Variants in EIF5 observed in about 807,000 individuals in gnomAD.
EIF5 encodes the protein eukaryotic translation initiation factor 5.
EIF5 carries 10 observed loss-of-function variants against 48.3 expected under a neutral mutation model. That is an observed-to-expected ratio of 0.21 (90% CI 0.13 to 0.35). The LOEUF is 0.35. EIF5 is among the 10% of genes least tolerant of loss of function. The probability of loss-of-function intolerance (pLI) is 1.00; values close to 1 mark genes in which losing one functional copy is unlikely to be tolerated. For missense variants in EIF5, 397 were observed against 533.2 expected (o/e 0.74, Z 2.51); for synonymous variants, 237 against 173.1 (o/e 1.37, Z -2.90).
Position 103,338,475 on chromosome 14 carries a change from G to C in EIF5, c.585+3G>C, listed in dbSNP as rs1411845342. 2 of 1,563,774 alleles carry C rather than the reference G, an allele frequency of 1.3e-6. No individual in the cohort carries two copies. The highest frequency in any genetic ancestry group is 1.7e-6 in the Non-Finnish European group (2 of 1,153,358). On this transcript the variant is annotated splice_donor_region_variant and intron_variant, in intron 7 of 11. Coordinates refer to ENST00000216554, the MANE Select transcript of EIF5 (RefSeq NM_001969.5). ...TTAATCCTCCTCCACATACAATGGT[G>C]AGTGCAGGGTTGATGGCCTAGTGGG...
intron 10 of EIF5, 146 bp from the exon 11 acceptor site, chr14:103,340,281 C>A: frequency 3.7e-6 from 3 of 812,876 alleles, no homozygotes; most frequent in Non-Finnish European, 5.9e-6. Flanking sequence ...ACTGCTGAGA[C>A]TAACGTGTTC....
At position 103,340,566 on chromosome 14, in the gene EIF5, A is replaced by C. The variant is rs201177453; in HGVS notation, c.1206+5A>C. The C allele has an allele frequency of 9.8e-5, 157 of 1,607,504 alleles. No homozygotes were observed. The highest frequency in any genetic ancestry group is 4.3e-6 in the Non-Finnish European group (5 of 1,174,358). ...GATGAAGATGAGAACATTGAGGTAAACATTGGGGGAGGAGGGTATTGGATA... is the reference window on the plus strand; with the variant it reads ...GATGAAGATGAGAACATTGAGGTAACCATTGGGGGAGGAGGGTATTGGATA... On this transcript the variant is annotated splice_donor_5th_base_variant and intron_variant, in intron 11 of 11. Transcript: ENST00000216554.
chr14:103,339,860 T>C (rs2089332672), intron 10 of EIF5, 57 bp downstream of exon 10: 2 of 1,556,930 alleles, frequency 1.3e-6, no homozygotes, highest in South Asian at 2.4e-5. Context: ...GTTTTTTTGT[T>C]TGGTTGATTG....
chr14:103,334,808 G>T (rs963083702), intron 2 of EIF5: 8 of 150,986 alleles, frequency 5.3e-5, no homozygotes, highest in African/African-American at 1.9e-4. Flanking sequence ...CCGCCGCTCG[G>T]GCTGACTCAG....
At chr14:103,340,598 T>C (rs2089342049) in intron 11 of EIF5, 37 bp downstream of exon 11, 1 of 1,580,980 alleles carries the variant, frequency 6.3e-7, no homozygotes, top group African/African-American at 1.4e-5. Flanking sequence ...GATACAGTGC[T>C]GGCATGGGTG....
In EIF5 at chr14:103,342,996, G is replaced by A. The variant is rs1451904841; in HGVS notation, c.*1944G>A. 16 of 152,536 alleles carry A rather than the reference G, an allele frequency of 1.0e-4. No homozygotes were observed. The highest frequency in any genetic ancestry group is 8.5e-4 in the Admixed American group (13 of 15,264). 9.4% of individuals were successfully genotyped at this position (152,536 alleles called of 1,614,324 possible). A position where few individuals can be genotyped will look rare whatever the true frequency, so the allele number is the denominator to read the frequency against. On this transcript the variant is annotated 3_prime_UTR_variant, in exon 12 of 12. Transcript: ENST00000216554. ...GGGCTTCTAGAACACTAAAAAATTT[G>A]GCTTAAACCAGTGTTCAGTCTGGTG...
rs79484170 is a variant in EIF5, at chr14:103,337,804, C to T, written c.440-523C>T. The stretch of plus-strand genomic sequence containing the variant: ...AACCCAGCAAAGTTTCTTTTACTGG[C>T]ATTGTTTGGTAAAGAGGGCCCCCTT... On this transcript the variant is annotated intron_variant, in intron 6 of 11. Transcript: ENST00000216554. 6.2e-3 allele frequency: 2,946 copies of T among 478,004 alleles called. 67 individuals are homozygous for T. The highest frequency in any genetic ancestry group is 0.051 in the African/African-American group (2,537 of 50,102). The allele number at this position is 478,004 out of a possible 1,614,324, so 29.6% of individuals were successfully genotyped here. A position where few individuals can be genotyped will look rare whatever the true frequency, so the allele number is the denominator to read the frequency against.
At chr14:103,336,562 C>G in intron 4 of EIF5, 115 bp from the exon 5 acceptor site, 1 of 1,145,356 alleles carries the variant, frequency 8.7e-7, no homozygotes, top group African/African-American at 1.6e-5. Flanking sequence ...GCCTGGGTGA[C>G]AGAGTGAGAC....
rs757721525 is a variant in EIF5 at position 103,339,722 on chromosome 14, C to G, written c.990C>G (p.Ile330Met). Residue 330 changes from isoleucine (I) to methionine (M), a missense_variant, in exon 10 of 12, where the codon ATC (isoleucine) becomes ATG (methionine). By Grantham distance (10) the Ile-to-Met change is conservative. Around this residue, in one of 4 missense-constraint regions of EIF5, gnomAD observed 160 missense variants for 184.8 expected, o/e 0.87. Transcript: ENST00000216554. ...CVVAMHQAQL[I>M]SKIPHILKEM... is the part of the protein sequence containing the mutation. ...TAGCAATGCATCAAGCTCAGCTTAT[C>G]TCCAAGATTCCACATATCTTGAAGG... is the stretch of plus-strand genomic sequence containing the variant. 6.2e-7 allele frequency: 1 copy of G among 1,614,100 alleles called. No homozygotes were observed. Among genetic ancestry groups the G allele is most frequent in the African/African-American group, 1.3e-5 (1 of 74,938 alleles).
rs943155761 is a variant in EIF5 at position 103,341,701 on chromosome 14, T to A, written c.*649T>A. 1.3e-5 allele frequency: 2 copies of A among 152,306 alleles called. No individual in the cohort carries two copies. The highest frequency in any genetic ancestry group is 2.9e-5 in the Non-Finnish European group (2 of 68,068). The allele number at this position is 152,306 out of a possible 1,614,324, so 9.4% of individuals were successfully genotyped here. ...ATAATGTAAGAGCAGGATTTGAAAC[T>A]TGGAGAGCTGTTTTCTCATTTCATG... On this transcript the variant is annotated 3_prime_UTR_variant, in exon 12 of 12. Coordinates refer to ENST00000216554, the MANE Select transcript of EIF5 (RefSeq NM_001969.5).
chr14:103,337,514 G>A (rs1268332211), intron 6 of EIF5: 5 of 395,596 alleles, frequency 1.3e-5, no homozygotes, highest in South Asian at 3.1e-5. Flanking sequence ...AGGCATGAGC[G>A]TCGCTTGAAC....
intron 6 of EIF5, chr14:103,338,040 T>C (rs775137611): frequency 3.5e-6 from 2 of 577,400 alleles, no homozygotes; most frequent in Non-Finnish European, 6.5e-6. Context: ...ACAGGGATCC[T>C]TAGGGCCACC....
chr14:103,336,237 C>G (rs971365258), intron 4 of EIF5, 120 bp downstream of exon 4: 1 of 1,066,412 alleles, frequency 9.4e-7, no homozygotes, highest in Non-Finnish European at 1.3e-6. Context: ...AAGTGAGGAA[C>G]CGTGGTTTAT....
In EIF5 at chr14:103,336,852, A is replaced by G. The variant is rs1357313329; in HGVS notation, c.327+3A>G. On this transcript the variant is annotated splice_donor_region_variant and intron_variant, in intron 5 of 11. Transcript: ENST00000216554. ...GTGAGAATCCTGAAACAGATTTGGT[A>G]AGTGCTTTTGTGGTTGTCGAAAGAA... 1 of 1,611,666 alleles carries G rather than the reference A, an allele frequency of 6.2e-7. No individual in the cohort carries two copies. Among genetic ancestry groups the G allele is most frequent in the East Asian group, 2.2e-5 (1 of 44,848 alleles).
At position 103,340,559 on chromosome 14, in the gene EIF5, G is replaced by C; in HGVS notation, c.1204G>C (p.Glu402Gln). The stretch of plus-strand genomic sequence containing the variant: ...AGAAGAAGATGAAGATGAGAACATT[G>C]AGGTAAACATTGGGGGAGGAGGGTA... ...GEEEDEDENI[E>Q]VVYSKAASVP... Residue 402 changes from glutamate (E) to glutamine (Q), a missense_variant and splice_region_variant, in exon 11 of 12, where the codon GAG becomes CAG. Glu to Gln is a conservative substitution (Grantham distance 29, BLOSUM62 2). This residue lies in a region of EIF5 where 160 missense variants were observed against 184.8 expected (regional missense o/e 0.87). Coordinates refer to ENST00000216554, the MANE Select transcript of EIF5 (RefSeq NM_001969.5). The C allele has an allele frequency of 6.2e-7, 1 of 1,610,362 alleles. No individual in the cohort carries two copies. The highest frequency in any genetic ancestry group is 8.5e-7 in the Non-Finnish European group (1 of 1,176,736).
At chr14:103,334,623 G>T (rs559011152) in intron 2 of EIF5, 26 bp downstream of exon 2, 1 of 151,470 alleles carries the variant, frequency 6.6e-6, no homozygotes, top group South Asian at 2.1e-4. Flanking sequence ...GGCGGGCCAG[G>T]AGATGGCGGC....
At position 103,338,856 on chromosome 14, in the gene EIF5, T is replaced by C. The variant is rs1056871414; in HGVS notation, c.707T>C (p.Ile236Thr). The change falls in exon 8 of 12, where the codon ATT becomes ACT. Residue 236 changes from isoleucine (I) to threonine (T), a missense_variant. This residue lies in a region of EIF5 where 126 missense variants were observed against 141.9 expected (regional missense o/e 0.89). Coordinates refer to ENST00000216554, the MANE Select transcript of EIF5 (RefSeq NM_001969.5). ...LTLSDDLERT[I>T]EERVNILFDF... ...CTCAGTGATGATTTGGAAAGAACAA[T>C]TGAGGAGAGGGTCAATATCCTCTTT... 6.2e-7 allele frequency: 1 copy of C among 1,614,178 alleles called. No homozygotes were observed. Among genetic ancestry groups the C allele is most frequent in the Non-Finnish European group, 8.5e-7 (1 of 1,180,032 alleles).
Sources: gnomAD v4.1 joint callset for allele counts on GRCh38, gnomAD v4.1.1 for gene constraint, gnomAD v4.1.1 regional missense constraint, MANE v1.5 for transcripts, NCBI Gene and HGNC (gene_info 2026-07-23, HGNC 2026-07-21) for gene names.